Variants in AGPAT5 observed in about 807,000 individuals in gnomAD.
The protein encoded by AGPAT5 is 1-acylglycerol-3-phosphate O-acyltransferase 5, also known as 1-acyl-sn-glycerol-3-phosphate acyltransferase epsilon.
A neutral mutation model predicts 45.6 loss-of-function variants in AGPAT5; 46 were observed. The ratio of observed to expected loss-of-function variants is 1.01; its 90% CI spans 0.80 to 1.29. The LOEUF (loss-of-function observed/expected upper bound fraction) is 1.29, where lower values mean the gene tolerates loss of function less well. Ranked by LOEUF, AGPAT5 falls within the 50% of genes most tolerant of loss-of-function variation. The probability of loss-of-function intolerance (pLI) is 0.00; values close to 1 mark genes in which losing one functional copy is unlikely to be tolerated. For synonymous variants in AGPAT5, 272 were observed against 167.0 expected (o/e 1.63, Z -4.85); for missense variants, 673 against 450.7 (o/e 1.49, Z -4.47).
intron 5 of AGPAT5, among the ~76,000 whole-genome samples, chr8:6,743,285 G>A (rs1020784211): frequency 6.6e-6 from 1 of 152,088 alleles, no homozygotes; most frequent in African/African-American, 2.4e-5. Flanking sequence ...TTTAGCCATC[G>A]TTTCCTTGAC....
At position 6,747,662 on chromosome 8, in the gene AGPAT5, A is replaced by G. The variant is rs375459143; in HGVS notation, c.587-8A>G. ...ACTAATTAATGACGGCACTGAATTG[A>G]CTTCTAGGCCTTGCAGTATTAAAAC... On this transcript the variant is annotated splice_polypyrimidine_tract_variant and splice_region_variant and intron_variant, in intron 5 of 7. Coordinates refer to ENST00000285518, the MANE Select transcript of AGPAT5 (RefSeq NM_018361.5). The G allele has an allele frequency of 2.5e-6, 4 of 1,605,856 alleles. No individual in the cohort carries two copies. Among genetic ancestry groups the G allele is most frequent in the Non-Finnish European group, 3.4e-6 (4 of 1,174,248 alleles).
chr8:6,708,655 G>C lies in AGPAT5; in HGVS notation c.-14G>C. ...GGGAGCGCAGGCGGAGCTCGCTGCC[G>C]CCGAGCTGAGAAGATGCTGCTGTCC... On this transcript the variant is annotated 5_prime_UTR_variant, in exon 1 of 8. Transcript: ENST00000285518. The C allele has an allele frequency of 6.6e-7, 1 of 1,525,972 alleles. No homozygotes were observed. Among genetic ancestry groups the C allele is most frequent in the Non-Finnish European group, 8.8e-7 (1 of 1,141,504 alleles). 94.5% of individuals were successfully genotyped at this position (1,525,972 alleles called of 1,614,324 possible).
At chr8:6,722,569 T>C (rs1800538988) in intron 1 of AGPAT5, among the ~76,000 whole-genome samples, 1 of 152,214 alleles carries the variant, frequency 6.6e-6, no homozygotes, top group Non-Finnish European at 1.5e-5. Context: ...AGATGCCGTA[T>C]GACTACCTGT....
At chr8:6,711,417 C>T (rs1274722016) in intron 1 of AGPAT5, among the ~76,000 whole-genome samples, 1 of 152,180 alleles carries the variant, frequency 6.6e-6, no homozygotes. Context: ...CCTTTTAGGT[C>T]CTTCCAGAAT....
At chr8:6,742,429 C>G (rs968743326) in intron 5 of AGPAT5, among the ~76,000 whole-genome samples, 3 of 152,140 alleles carry the variant, frequency 2.0e-5, no homozygotes, top group Non-Finnish European at 4.4e-5. Flanking sequence ...AGTGGCTATG[C>G]TATGTTCTTA....
At position 6,709,040 on chromosome 8, in the gene AGPAT5, T is replaced by A. The variant is rs898792965; in HGVS notation, c.219+153T>A. 1.0e-5 allele frequency: 8 copies of A among 784,616 alleles called. No homozygotes were observed. In the Admixed American group the frequency reaches 1.6e-4, roughly 16 times the overall value. 48.6% of individuals were successfully genotyped at this position (784,616 alleles called of 1,614,324 possible). A position where few individuals can be genotyped will look rare whatever the true frequency, so the allele number is the denominator to read the frequency against. ...CCGCCTCCCCGCCTTCCTCTCCGCA[T>A]GCTTCCTGCCGTTCTGCCGAGATCG... On this transcript the variant is annotated intron_variant, in intron 1 of 7. Coordinates refer to ENST00000285518, the MANE Select transcript of AGPAT5 (RefSeq NM_018361.5).
chr8:6,735,849 CT>C (rs1206610212), intron 4 of AGPAT5, among the ~76,000 whole-genome samples: 3 of 84,220 alleles, frequency 3.6e-5, no homozygotes, highest in East Asian at 7.8e-4. Flanking sequence ...TTTATATAGC[CT>C]TTTTTTTTTT....
intron 1 of AGPAT5, among the ~76,000 whole-genome samples, chr8:6,721,919 C>T (rs1273059025): frequency 6.6e-6 from 1 of 151,964 alleles, no homozygotes; most frequent in Non-Finnish European, 1.5e-5. Context: ...ACTCAAACTC[C>T]TGAAGCCAAG....
intron 5 of AGPAT5, among the ~76,000 whole-genome samples, chr8:6,743,966 A>C (rs964210674): frequency 1.3e-5 from 2 of 152,160 alleles, no homozygotes; most frequent in Admixed American, 6.5e-5. Flanking sequence ...AGTTCTTTCA[A>C]AACAGGAGAA....
At chr8:6,710,122 A>G (rs1800102078) in intron 1 of AGPAT5, among the ~76,000 whole-genome samples, 1 of 151,410 alleles carries the variant, frequency 6.6e-6, no homozygotes. Context: ...AAAGTCATTC[A>G]CCTCTTAAAA....
chr8:6,744,258 G>A (rs1801348168), intron 5 of AGPAT5, among the ~76,000 whole-genome samples: 1 of 152,156 alleles, frequency 6.6e-6, no homozygotes, highest in Non-Finnish European at 1.5e-5. Context: ...AATCAAAGAA[G>A]TAGAAATTAA....
In AGPAT5 at chr8:6,747,774, G is replaced by A. The variant is rs1461439043; in HGVS notation, c.691G>A (p.Val231Ile). 1.9e-6 allele frequency: 3 copies of A among 1,614,050 alleles called. No homozygotes were observed. The highest frequency in any genetic ancestry group is 1.6e-4 in the Middle Eastern group (1 of 6,084). ...YLDAIYDVTV[V>I]YEGKDDGGQR... ...AGATGCAATTTATGATGTTACGGTG[G>A]TTTATGAAGGGAAAGACGATGGAGG... is the stretch of plus-strand genomic sequence containing the variant. The change falls in exon 6 of 8, where the codon GTT (valine) becomes ATT (isoleucine). Residue 231 changes from valine to isoleucine, a missense_variant. Transcript: ENST00000285518.
At chr8:6,724,302 T>C (rs2116879048) in intron 1 of AGPAT5, among the ~76,000 whole-genome samples, 1 of 152,336 alleles carries the variant, frequency 6.6e-6, no homozygotes, top group Non-Finnish European at 1.5e-5. Context: ...CCTCCAGGGT[T>C]ACTGCTTCCA....
At chr8:6,748,950 G>A (rs1442617159) in intron 6 of AGPAT5, among the ~76,000 whole-genome samples, 3 of 152,172 alleles carry the variant, frequency 2.0e-5, no homozygotes, top group Non-Finnish European at 2.9e-5. Flanking sequence ...ATTTTATAGA[G>A]TAATATTTTT....
intron 5 of AGPAT5, among the ~76,000 whole-genome samples, chr8:6,747,382 C>A (rs1352737855): frequency 6.6e-6 from 1 of 152,196 alleles, no homozygotes; most frequent in Non-Finnish European, 1.5e-5. Flanking sequence ...AATATTTACC[C>A]TTGCCGGGGT....
intron 5 of AGPAT5, chr8:6,745,341 A>G (rs758662980): frequency 1.3e-5 from 2 of 154,252 alleles, no homozygotes; most frequent in Non-Finnish European, 2.9e-5. Context: ...ATGTACTCCA[A>G]TTCTGAAATA....
At chr8:6,732,279 T>C (rs1318074438) in intron 3 of AGPAT5, among the ~76,000 whole-genome samples, 1 of 152,256 alleles carries the variant, frequency 6.6e-6, no homozygotes, top group Admixed American at 6.5e-5. Context: ...TAAAAATGTG[T>C]ATTTAAGAAA....
chr8:6,750,553 A>G (rs576448200), intron 6 of AGPAT5, among the ~76,000 whole-genome samples: 1 of 152,346 alleles, frequency 6.6e-6, no homozygotes, highest in Non-Finnish European at 1.5e-5. Context: ...AATTATTTAC[A>G]ACCTAGATCA....
intron 1 of AGPAT5, among the ~76,000 whole-genome samples, chr8:6,717,317 G>A (rs61025353): frequency 0.012 from 1,767 of 152,234 alleles, 35 homozygotes; most frequent in African/African-American, 0.041. Flanking sequence ...GTAATATTTG[G>A]AAGACGACTT....
Sources: allele counts gnomAD v4.1 joint callset (sites outside exome capture counted in the v4.1 genomes callset), GRCh38; gene constraint gnomAD v4.1.1; transcripts MANE v1.5; gene names NCBI Gene and HGNC (gene_info 2026-07-23, HGNC 2026-07-21).